Variants in CDKAL1 observed in about 807,000 individuals in gnomAD.
CDKAL1 encodes CDKAL1 threonylcarbamoyladenosine tRNA methylthiotransferase, also known as threonylcarbamoyladenosine tRNA methylthiotransferase.
CDKAL1 carries 32 observed loss-of-function variants against 68.2 expected under a neutral mutation model. That is an observed-to-expected ratio of 0.47 (90% CI 0.35 to 0.63). CDKAL1 has a LOEUF of 0.63. CDKAL1 is among the 30% of genes least tolerant of loss of function. The probability of loss-of-function intolerance (pLI) is 0.00; values close to 1 mark genes in which losing one functional copy is unlikely to be tolerated. For missense variants in CDKAL1, 606 were observed against 696.7 expected (o/e 0.87, Z 1.47); for synonymous variants, 234 against 244.3 (o/e 0.96, Z 0.39).
chr6:20,833,028 G>A lies in CDKAL1; in HGVS notation c.639-13047G>A, dbSNP rs146659755. On this transcript the variant is annotated intron_variant, in intron 8 of 15. Transcript: ENST00000274695. Reference sequence around the variant, plus strand: ...AATTCCCAGCACATTTCATTGATACGAATTTTATCTCAGGCACATTCCTGA... The same window carrying A: ...AATTCCCAGCACATTTCATTGATACAAATTTTATCTCAGGCACATTCCTGA... Among the ~76,000 whole-genome samples, 154 of 152,214 alleles carry A rather than the reference G, an allele frequency of 1.0e-3. 1 individual carries two copies. The highest frequency in any genetic ancestry group is 3.6e-3 in the African/African-American group (149 of 41,544).
intron 9 of CDKAL1, among the ~76,000 whole-genome samples, chr6:20,932,112 G>C (rs1763490716): frequency 1.3e-5 from 2 of 152,120 alleles, no homozygotes; most frequent in African/African-American, 4.8e-5. Flanking sequence ...TAAGAAACTG[G>C]AGTCTGTATT....
At chr6:21,094,456 G>T (rs865785047) in intron 12 of CDKAL1, among the ~76,000 whole-genome samples, 16 of 152,048 alleles carry the variant, frequency 1.1e-4, no homozygotes, top group Admixed American at 2.0e-4. Flanking sequence ...GCTTTAGGGG[G>T]TTTAAGATTA....
At chr6:20,583,793 C>T (rs531286515) in intron 4 of CDKAL1, among the ~76,000 whole-genome samples, 8 of 150,526 alleles carry the variant, frequency 5.3e-5, no homozygotes, top group Non-Finnish European at 1.2e-4. Context: ...CGCCCCCCCC[C>T]ACTAGTTTCA....
At chr6:21,129,650 A>G (rs1296165448) in intron 13 of CDKAL1, among the ~76,000 whole-genome samples, 3 of 140,904 alleles carry the variant, frequency 2.1e-5, no homozygotes, top group African/African-American at 7.8e-5. Flanking sequence ...CTATTGTCTT[A>G]TAGGAGACTA....
intron 4 of CDKAL1, among the ~76,000 whole-genome samples, chr6:20,647,183 C>A (rs1000570055): frequency 2.6e-5 from 4 of 152,186 alleles, no homozygotes; most frequent in Non-Finnish European, 5.9e-5. Flanking sequence ...AACATTCATT[C>A]AGCAAATATT....
chr6:20,629,938 C>G (rs1307582636), intron 4 of CDKAL1, among the ~76,000 whole-genome samples: 2 of 152,134 alleles, frequency 1.3e-5, no homozygotes, highest in East Asian at 1.9e-4. Flanking sequence ...ACTGCAGCCT[C>G]TGCCTCCTGG....
chr6:21,032,815 A>G (rs1769369678), intron 11 of CDKAL1, among the ~76,000 whole-genome samples: 1 of 152,184 alleles, frequency 6.6e-6, no homozygotes, highest in Non-Finnish European at 1.5e-5. Flanking sequence ...CACAACAGCA[A>G]AATCACCTAA....
intron 11 of CDKAL1, among the ~76,000 whole-genome samples, chr6:21,004,959 C>T (rs558272473): frequency 6.6e-6 from 1 of 152,096 alleles, no homozygotes; most frequent in South Asian, 2.1e-4. Context: ...AAGATCCTGT[C>T]TTTCAAAAAA....
At chr6:20,960,602 T>G (rs938892320) in intron 10 of CDKAL1, among the ~76,000 whole-genome samples, 4 of 152,226 alleles carry the variant, frequency 2.6e-5, no homozygotes, top group African/African-American at 7.2e-5. Flanking sequence ...TCAGTGCCTG[T>G]GATAACACAC....
chr6:21,039,635 T>C (rs1290411458), intron 11 of CDKAL1, among the ~76,000 whole-genome samples: 1 of 152,218 alleles, frequency 6.6e-6, no homozygotes, highest in Non-Finnish European at 1.5e-5. Flanking sequence ...TCACTAAACA[T>C]TGAAGAACTT....
At chr6:20,923,662 A>C (rs1026503616) in intron 9 of CDKAL1, among the ~76,000 whole-genome samples, 7 of 152,132 alleles carry the variant, frequency 4.6e-5, no homozygotes, top group African/African-American at 1.7e-4. Context: ...AGAGGCCTAC[A>C]AAGGCCTCTA....
At chr6:20,649,122 A>T (rs1325329961) in intron 4 of CDKAL1, among the ~76,000 whole-genome samples, 171 bp from the exon 5 acceptor site, 1 of 152,186 alleles carries the variant, frequency 6.6e-6, no homozygotes, top group Non-Finnish European at 1.5e-5. Flanking sequence ...TTTTATATTT[A>T]TTGTTCACAA....
chr6:20,589,684 T>C (rs1267635803), intron 4 of CDKAL1, among the ~76,000 whole-genome samples: 2 of 152,190 alleles, frequency 1.3e-5, no homozygotes, highest in South Asian at 2.1e-4. Context: ...AAAAGTACTT[T>C]TGTAATTATT....
At position 21,232,098 on chromosome 6, in the gene CDKAL1, C is replaced by G. The variant is rs1384863702; in HGVS notation, c.*1059C>G. On this transcript the variant is annotated 3_prime_UTR_variant, in exon 16 of 16. Transcript: ENST00000274695. ...CTTGGCTCACTGCAGCCTTGACCTCCTGGACTCAAGCAGTCCTCCTACCTC... is the reference window on the plus strand; with the variant it reads ...CTTGGCTCACTGCAGCCTTGACCTCGTGGACTCAAGCAGTCCTCCTACCTC... The G allele has an allele frequency of 1.3e-5, 2 of 151,274 alleles. No homozygotes were observed. The highest frequency in any genetic ancestry group is 1.3e-4 in the Admixed American group (2 of 15,144). 9.4% of individuals were successfully genotyped at this position (151,274 alleles called of 1,614,324 possible). A position where few individuals can be genotyped will look rare whatever the true frequency, so the allele number is the denominator to read the frequency against.
intron 13 of CDKAL1, among the ~76,000 whole-genome samples, chr6:21,129,072 G>C (rs1274698948): frequency 6.6e-6 from 1 of 152,054 alleles, no homozygotes; most frequent in African/African-American, 2.4e-5. Flanking sequence ...TCCCCAATGG[G>C]GTTATTATAA....
chr6:20,995,927 T>C (rs1215566951), intron 10 of CDKAL1, among the ~76,000 whole-genome samples: 2 of 152,262 alleles, frequency 1.3e-5, no homozygotes, highest in East Asian at 3.8e-4. Context: ...AAATCTGCGG[T>C]GTGCCATAGC....
chr6:21,223,404 C>T (rs1038376395), intron 15 of CDKAL1, among the ~76,000 whole-genome samples: 1 of 152,170 alleles, frequency 6.6e-6, no homozygotes, highest in African/African-American at 2.4e-5. Context: ...ACTTAGCGTC[C>T]TGCTGGGCAC....
intron 12 of CDKAL1, among the ~76,000 whole-genome samples, chr6:21,078,059 C>T (rs1340137597): frequency 6.6e-6 from 1 of 152,168 alleles, no homozygotes; most frequent in African/African-American, 2.4e-5. Context: ...AGATTCTCCC[C>T]TAGAGCCTCC....
At chr6:20,883,978 A>G (rs972390335) in intron 9 of CDKAL1, among the ~76,000 whole-genome samples, 6 of 152,230 alleles carry the variant, frequency 3.9e-5, no homozygotes, top group Admixed American at 1.3e-4. Flanking sequence ...TTTCTAACTC[A>G]TTCTCTGAGG....
Sources: gnomAD v4.1 joint callset for allele counts (sites outside exome capture counted in the v4.1 genomes callset) on GRCh38, gnomAD v4.1.1 for gene constraint, MANE v1.5 for transcripts, NCBI Gene and HGNC (gene_info 2026-07-23, HGNC 2026-07-21) for gene names.